Variants in CTNNA2 observed in about 807,000 individuals in gnomAD.
The protein encoded by CTNNA2 is catenin alpha-2.
CTNNA2 carries 42 observed loss-of-function variants against 101.0 expected under a neutral mutation model. The observed-to-expected ratio is 0.42, with a 90% CI of 0.32 to 0.54. The LOEUF (loss-of-function observed/expected upper bound fraction) is 0.54. Among genes scored for constraint, CTNNA2 ranks in the 20% least tolerant of loss-of-function variants. The pLI is 0.14. For synonymous variants in CTNNA2, 450 were observed against 456.4 expected, an observed-to-expected ratio of 0.99 and a Z score of 0.18; for missense variants, 871 against 1,223.1, an observed-to-expected ratio of 0.71 and a Z score of 4.29.
At chr2:80,634,818 G>A (rs150890131) in intron 18 of CTNNA2, among the ~76,000 whole-genome samples, 11 of 152,228 alleles carry the variant, frequency 7.2e-5, no homozygotes, top group Non-Finnish European at 1.3e-4. Flanking sequence ...ATTAGATGTT[G>A]AGTTGGAGAA....
chr2:79,577,351 C>T (rs1675863130), intron 1 of CTNNA2, among the ~76,000 whole-genome samples: 2 of 151,866 alleles, frequency 1.3e-5, no homozygotes, highest in African/African-American at 2.4e-5. Context: ...AGAAATTAAA[C>T]AATGTAAGTT....
chr2:79,423,529 C>T (rs1007160667), intron 4 of CTNNA2, among the ~76,000 whole-genome samples: 4 of 152,094 alleles, frequency 2.6e-5, no homozygotes, highest in Non-Finnish European at 5.9e-5. Context: ...TATGAAATAG[C>T]ATTTTAAAGA....
intron 2 of CTNNA2, among the ~76,000 whole-genome samples, chr2:79,245,278 C>G (rs1445930940): frequency 6.6e-6 from 1 of 152,106 alleles, no homozygotes; most frequent in Non-Finnish European, 1.5e-5. Flanking sequence ...TGCGAAATGC[C>G]TTCTCTACAA....
intron 12 of CTNNA2, among the ~76,000 whole-genome samples, chr2:80,561,339 C>T (rs769184175): frequency 4.6e-5 from 7 of 152,106 alleles, no homozygotes; most frequent in African/African-American, 7.2e-5. Flanking sequence ...AAATAGATAA[C>T]GTATAATTTG....
chr2:79,907,823 A>C (rs1349295067), intron 6 of CTNNA2, among the ~76,000 whole-genome samples: 2 of 152,338 alleles, frequency 1.3e-5, no homozygotes, highest in East Asian at 1.9e-4. Flanking sequence ...GTGATTTTCT[A>C]AAAAATCCAA....
chr2:79,656,989 T>C (rs1681656402), intron 2 of CTNNA2, among the ~76,000 whole-genome samples: 1 of 151,836 alleles, frequency 6.6e-6, no homozygotes, highest in Admixed American at 6.6e-5. Context: ...CAGTATAGAA[T>C]TTTAGCTTTA....
At position 80,302,474 on chromosome 2, in the gene CTNNA2, G is replaced by C. The variant is rs757993915; in HGVS notation, c.1057-90737G>C. 6 of 1,614,044 alleles carry C rather than the reference G, an allele frequency of 3.7e-6. No individual in the cohort carries two copies. The highest frequency in any genetic ancestry group is 5.1e-6 in the Non-Finnish European group (6 of 1,180,044). ...GAGGCTGGCTGGGAAACACTTCCAGGACACGTAGAGCACCAGGACCACGAT... is the reference window on the plus strand; with the variant it reads ...GAGGCTGGCTGGGAAACACTTCCAGCACACGTAGAGCACCAGGACCACGAT... On this transcript the variant is annotated intron_variant, in intron 7 of 18. Coordinates refer to ENST00000402739, the MANE Select transcript of CTNNA2 (RefSeq NM_001282597.3). The surrounding 1 kb of genome is among the most constrained non-coding windows in gnomAD (Gnocchi z 6.4).
At chr2:80,332,271 T>C (rs574814972) in intron 7 of CTNNA2, among the ~76,000 whole-genome samples, 6 of 152,212 alleles carry the variant, frequency 3.9e-5, no homozygotes, top group African/African-American at 1.4e-4. Flanking sequence ...TATTAAGTCC[T>C]GTGCACATCA....
At chr2:79,270,513 A>G (rs1675056118) in intron 2 of CTNNA2, among the ~76,000 whole-genome samples, 1 of 152,016 alleles carries the variant, frequency 6.6e-6, no homozygotes, top group South Asian at 2.1e-4. Context: ...GGACTCTGAT[A>G]TTGACTTCTA....
chr2:80,530,302 A>G (rs1437334765), intron 9 of CTNNA2, among the ~76,000 whole-genome samples: 1 of 152,202 alleles, frequency 6.6e-6, no homozygotes, highest in East Asian at 1.9e-4. Context: ...GAGCTGAGCA[A>G]GGAGCTGTTG....
At chr2:79,407,333 G>T (rs907488217) in intron 4 of CTNNA2, among the ~76,000 whole-genome samples, 1 of 151,998 alleles carries the variant, frequency 6.6e-6, no homozygotes, top group Non-Finnish European at 1.5e-5. Context: ...CAATGTAGGG[G>T]ATAATTCTGG....
chr2:80,618,254 T>G (rs1484316637), intron 17 of CTNNA2, among the ~76,000 whole-genome samples: 2 of 151,892 alleles, frequency 1.3e-5, no homozygotes, highest in Non-Finnish European at 2.9e-5. Context: ...CACTGGGTCA[T>G]GTAACTTGAC....
rs566345945 is a variant in CTNNA2 at position 79,353,572 on chromosome 2, A to G, written c.-317-20259A>G. ...AGCCTGTGAGTGTCATTGCATGTGG[A>G]ATGGGTTTCTTGAAGACAGCATACG... On this transcript the variant is annotated intron_variant, in intron 3 of 21. Transcript: ENST00000466387. 3.9e-5 allele frequency among the ~76,000 whole-genome samples: 6 copies of G among 152,102 alleles called. No homozygotes were observed. In the East Asian group the frequency reaches 1.2e-3, roughly 29 times the overall value.
chr2:79,304,222 C>T (rs937276933), intron 2 of CTNNA2, among the ~76,000 whole-genome samples: 2 of 152,128 alleles, frequency 1.3e-5, no homozygotes, highest in Middle Eastern at 3.2e-3. Flanking sequence ...TGAAATTCTG[C>T]TTCTGGTACG....
chr2:79,536,118 T>C (rs1013808533), intron 1 of CTNNA2, among the ~76,000 whole-genome samples: 1 of 152,176 alleles, frequency 6.6e-6, no homozygotes, highest in Non-Finnish European at 1.5e-5. Context: ...TGGGGTCTGC[T>C]GACAGGGAAG....
intron 7 of CTNNA2, among the ~76,000 whole-genome samples, chr2:79,927,540 A>G (rs1254860654): frequency 6.6e-6 from 1 of 152,168 alleles, no homozygotes; most frequent in Admixed American, 6.5e-5. Flanking sequence ...AAGAAGATAG[A>G]TGGGAGAAGG....
At chr2:80,589,185 G>A (rs928023201) in intron 14 of CTNNA2, 119 bp from the exon 15 acceptor site, 1 of 979,418 alleles carries the variant, frequency 1.0e-6, no homozygotes. Flanking sequence ...TTCCGGAATG[G>A]CAGGGTAGCT....
intron 4 of CTNNA2, among the ~76,000 whole-genome samples, chr2:79,478,484 G>A (rs937094049): frequency 6.6e-6 from 1 of 152,132 alleles, no homozygotes; most frequent in African/African-American, 2.4e-5. Context: ...CAGATAGAAG[G>A]AGACTGCCCA....
intron 17 of CTNNA2, chr2:80,618,675 C>G (rs576965497): frequency 7.2e-5 from 11 of 153,524 alleles, no homozygotes; most frequent in African/African-American, 2.2e-4. Flanking sequence ...GATGGAACTT[C>G]CAAGAAAGAC....
Sources: gnomAD v4.1 joint callset for allele counts (sites outside exome capture counted in the v4.1 genomes callset) on GRCh38, gnomAD v4.1.1 for gene constraint, Gnocchi (gnomAD v3.1) non-coding constraint, MANE v1.5 for transcripts, NCBI Gene and HGNC (gene_info 2026-07-23, HGNC 2026-07-21) for gene names.